The following DLGAP1 variants were observed in gnomAD, a reference collection of about 807,000 sequenced individuals.
DLGAP1 encodes the protein disks large-associated protein 1.
DLGAP1 carries 11 observed loss-of-function variants against 90.8 expected under a neutral mutation model. The ratio of observed to expected loss-of-function variants is 0.12; its 90% CI spans 0.08 to 0.20. The LOEUF (loss-of-function observed/expected upper bound fraction) is 0.20, where lower values mean the gene tolerates loss of function less well. Ranked by LOEUF, DLGAP1 falls within the 10% of genes least tolerant of loss-of-function variation. DLGAP1 has a pLI of 1.00. For missense variants in DLGAP1, 1,050 were observed against 1,333.8 expected, an observed-to-expected ratio of 0.79 and a Z score of 3.31; for synonymous variants, 558 against 540.7, an observed-to-expected ratio of 1.03 and a Z score of -0.44.
chr18:3,928,786 G>A (rs2072450294), intron 3 of DLGAP1, among the ~76,000 whole-genome samples: 1 of 152,114 alleles, frequency 6.6e-6, no homozygotes. Context: ...TATGCCTTAC[G>A]ATTTCTATGC....
intron 1 of DLGAP1, among the ~76,000 whole-genome samples, chr18:4,310,156 C>G (rs2080362156): frequency 6.6e-6 from 1 of 152,096 alleles, no homozygotes. Flanking sequence ...GGACTTATAC[C>G]AGGATTTGGT....
intron 1 of DLGAP1, among the ~76,000 whole-genome samples, chr18:4,255,612 C>T (rs1469458146): frequency 1.3e-5 from 2 of 151,894 alleles, no homozygotes; most frequent in South Asian, 2.1e-4. Context: ...AAGAGCACCA[C>T]CAATGAAACC....
intron 1 of DLGAP1, among the ~76,000 whole-genome samples, chr18:4,215,043 C>T (rs1011152399): frequency 2.6e-5 from 4 of 152,060 alleles, no homozygotes; most frequent in Non-Finnish European, 4.4e-5. Flanking sequence ...ATTTATTTTA[C>T]TGTAGTATCA....
Position 3,816,089 on chromosome 18 carries a change from T to TA in DLGAP1, c.958-1817dup, listed in dbSNP as rs200024908. On this transcript the variant is annotated intron_variant, in intron 4 of 12. Transcript: ENST00000315677. ...CTTCATTATTAACATTTAACTGTGCTAAAAAAAAATTGCCTATAAGATCTC... is the reference window on the plus strand; with the variant it reads ...CTTCATTATTAACATTTAACTGTGCTAAAAAAAAAATTGCCTATAAGATCTC... Among the ~76,000 whole-genome samples the TA allele has an allele frequency of 1.7e-3, 260 of 151,706 alleles. 1 individual carries two copies. Among genetic ancestry groups the TA allele is most frequent in the Non-Finnish European group, 3.3e-3 (227 of 67,908 alleles).
chr18:4,260,790 T>G (rs2078987849), intron 1 of DLGAP1, among the ~76,000 whole-genome samples: 1 of 152,162 alleles, frequency 6.6e-6, no homozygotes, highest in Admixed American at 6.5e-5. Flanking sequence ...TCTAATGATC[T>G]CATCAGGAAC....
At chr18:3,820,188 C>T (rs751366791) in intron 4 of DLGAP1, among the ~76,000 whole-genome samples, 6 of 152,048 alleles carry the variant, frequency 3.9e-5, no homozygotes, top group Non-Finnish European at 4.4e-5. Context: ...AATGAGAATG[C>T]GTGAGATTTT....
intron 1 of DLGAP1, among the ~76,000 whole-genome samples, chr18:4,176,411 A>G: frequency 6.6e-6 from 1 of 152,232 alleles, no homozygotes; most frequent in Admixed American, 6.5e-5. Flanking sequence ...ATTTCAAACC[A>G]GCAGCCATTC....
intron 2 of DLGAP1, among the ~76,000 whole-genome samples, chr18:4,150,100 T>C (rs188003471): frequency 6.6e-6 from 1 of 152,302 alleles, no homozygotes; most frequent in Non-Finnish European, 1.5e-5. Flanking sequence ...CACCCATAAT[T>C]TGGCCTGCGC....
At chr18:3,645,087 C>T (rs1185088050) in intron 7 of DLGAP1, among the ~76,000 whole-genome samples, 4 of 152,010 alleles carry the variant, frequency 2.6e-5, no homozygotes, top group Admixed American at 6.6e-5. Context: ...ATTTTTCCCT[C>T]GTATTTTAAT....
intron 1 of DLGAP1, among the ~76,000 whole-genome samples, chr18:4,320,488 C>T (rs2080655970): frequency 6.6e-6 from 1 of 152,168 alleles, no homozygotes; most frequent in Non-Finnish European, 1.5e-5. Flanking sequence ...TGACTCTCTT[C>T]TTAGCCAAAG....
intron 1 of DLGAP1, among the ~76,000 whole-genome samples, chr18:4,350,896 A>G (rs899521432): frequency 2.6e-5 from 4 of 152,148 alleles, no homozygotes; most frequent in African/African-American, 9.7e-5. Context: ...TTACTAGCTA[A>G]TGATCTCCAG....
At chr18:4,225,491 A>G (rs1437948801) in intron 1 of DLGAP1, among the ~76,000 whole-genome samples, 1 of 152,152 alleles carries the variant, frequency 6.6e-6, no homozygotes, top group Non-Finnish European at 1.5e-5. Context: ...AAAGACAGAG[A>G]TATAGGACCT....
chr18:4,037,131 A>G (rs1359750365), intron 2 of DLGAP1, among the ~76,000 whole-genome samples: 2 of 152,204 alleles, frequency 1.3e-5, no homozygotes, highest in Non-Finnish European at 2.9e-5. Context: ...TCAGAAGATG[A>G]AGAGAGTTGA....
rs530701489 is a variant in DLGAP1 at position 4,098,599 on chromosome 18, T to C, written c.-159+52581A>G. Among the ~76,000 whole-genome samples the C allele has an allele frequency of 3.3e-5, 5 of 152,196 alleles. No homozygotes were observed. In the East Asian group the frequency reaches 9.7e-4, roughly 29 times the overall value. On this transcript the variant is annotated intron_variant, in intron 2 of 12. Transcript: ENST00000315677. ...TTAAATAGGGGCAACGGAGAAAGACTAGTTTAAGATATTGCAACATTTTAA... is the reference window on the plus strand; with the variant it reads ...TTAAATAGGGGCAACGGAGAAAGACCAGTTTAAGATATTGCAACATTTTAA...
chr18:3,646,920 A>C (rs540093982), intron 7 of DLGAP1, among the ~76,000 whole-genome samples: 1 of 151,302 alleles, frequency 6.6e-6, no homozygotes, highest in South Asian at 2.1e-4. Context: ...GCGAGACTCC[A>C]TCTCAAAATA....
intron 2 of DLGAP1, among the ~76,000 whole-genome samples, chr18:4,025,162 G>A (rs1004315246): frequency 1.3e-5 from 2 of 152,122 alleles, no homozygotes; most frequent in African/African-American, 4.8e-5. Context: ...GTGTGCATAG[G>A]TGGAGTGACC....
At chr18:4,225,812 C>T (rs897505706) in intron 1 of DLGAP1, among the ~76,000 whole-genome samples, 9 of 151,868 alleles carry the variant, frequency 5.9e-5, no homozygotes, top group African/African-American at 1.2e-4. Flanking sequence ...TAAAAAATAG[C>T]CCCCAAAGGG....
chr18:4,289,368 C>T (rs1288080461), intron 1 of DLGAP1, among the ~76,000 whole-genome samples: 2 of 152,170 alleles, frequency 1.3e-5, no homozygotes, highest in Non-Finnish European at 2.9e-5. Flanking sequence ...CAGAGATGAG[C>T]ATGTGTTGGG....
At chr18:3,644,730 A>G (rs1329724826) in intron 7 of DLGAP1, among the ~76,000 whole-genome samples, 1 of 152,138 alleles carries the variant, frequency 6.6e-6, no homozygotes, top group African/African-American at 2.4e-5. Context: ...TATTTATTAA[A>G]GCACTGTATG....
Sources: gnomAD v4.1 joint callset for allele counts (sites outside exome capture counted in the v4.1 genomes callset) on GRCh38, gnomAD v4.1.1 for gene constraint, MANE v1.5 for transcripts, NCBI Gene and HGNC (gene_info 2026-07-23, HGNC 2026-07-21) for gene names.